Variants in ADRA1A observed in about 807,000 individuals in gnomAD.
The protein encoded by ADRA1A is alpha-1A adrenergic receptor.
Under a neutral mutation model 29.6 loss-of-function variants are expected in ADRA1A, and 31 were observed. The ratio of observed to expected loss-of-function variants is 1.05; its 90% CI spans 0.79 to 1.41. ADRA1A has a LOEUF of 1.41. ADRA1A is among the 40% of genes most tolerant of loss of function. The pLI, the probability that ADRA1A is intolerant of heterozygous loss-of-function variation, is 0.00. For missense variants in ADRA1A, 619 were observed against 601.1 expected (o/e 1.03, Z -0.31); for synonymous variants, 311 against 254.3 (o/e 1.22, Z -2.12).
chr8:26,753,606 C>G (rs1805019179), downstream of ADRA1A, among the ~76,000 whole-genome samples: 1 of 152,078 alleles, frequency 6.6e-6, no homozygotes. Flanking sequence ...TTATTTCTAT[C>G]ACAAAAAAAT....
intron 2 of ADRA1A, among the ~76,000 whole-genome samples, chr8:26,837,995 T>C (rs1208331495): frequency 3.3e-5 from 5 of 152,242 alleles, no homozygotes; most frequent in African/African-American, 7.2e-5. Context: ...AGGACAATTG[T>C]GTTGTTTTTC....
At chr8:26,861,629 A>G (rs1286854192) in intron 2 of ADRA1A, among the ~76,000 whole-genome samples, 1 of 152,122 alleles carries the variant, frequency 6.6e-6, no homozygotes, top group Non-Finnish European at 1.5e-5. Flanking sequence ...TTCCATGTCT[A>G]ATGAATGTTT....
chr8:26,748,412 A>G, exon 3 of ADRA1A: 1 of 168,558 alleles, frequency 5.9e-6, no homozygotes, highest in Admixed American at 6.3e-5. Flanking sequence ...GATTTCATCC[A>G]CAGAAAGGAT....
chr8:26,748,586 A>G, exon 3 of ADRA1A: 1 of 415,646 alleles, frequency 2.4e-6, no homozygotes, highest in Non-Finnish European at 4.8e-6. Context: ...TAAAAATACA[A>G]AAATTAGCTG....
Position 26,770,291 on chromosome 8 carries a change from G to A in ADRA1A, c.1259C>T (p.Thr420Ile). 1 of 1,614,218 alleles carries A rather than the reference G, an allele frequency of 6.2e-7. No individual in the cohort carries two copies. The highest frequency in any genetic ancestry group is 8.5e-7 in the Non-Finnish European group (1 of 1,180,032). ...ITVSKDQSSC[T>I]TARVRSKSFL... ...GCTTTTACTTCTCACCCGGGCTGTG[G>A]TACAGGAGGATTGGTCTTTGGACAC... Residue 420 changes from threonine (T) to isoleucine (I), a missense_variant, in exon 3 of 3, where the codon ACC (threonine) becomes ATC (isoleucine). Transcript: ENST00000380573.
intron 2 of ADRA1A, among the ~76,000 whole-genome samples, chr8:26,793,627 T>C (rs919516429): frequency 1.2e-4 from 18 of 152,026 alleles, no homozygotes; most frequent in African/African-American, 4.3e-4. Flanking sequence ...TGTCCATCAG[T>C]AATAAGAAAT....
In ADRA1A at chr8:26,775,743, G is replaced by C. The variant is rs1320217138; in HGVS notation, c.884-5077C>G. Among the ~76,000 whole-genome samples the C allele has an allele frequency of 2.0e-5, 3 of 152,134 alleles. No individual in the cohort carries two copies. Among genetic ancestry groups the C allele is most frequent in the African/African-American group, 7.2e-5 (3 of 41,436 alleles). ...CCATTTGGTCTGCTGCAGAATTTCT[G>C]CCTCTTTCCTGACCCTCTGGACACC... On this transcript the variant is annotated intron_variant, in intron 2 of 2. Transcript: ENST00000380573. This position sits in a 1 kb window ranked among gnomAD's most constrained non-coding sequence, Gnocchi z 4.1.
At chr8:26,791,173 G>A (rs1807802253) in intron 2 of ADRA1A, among the ~76,000 whole-genome samples, 1 of 151,936 alleles carries the variant, frequency 6.6e-6, no homozygotes, top group African/African-American at 2.4e-5. Context: ...AATTTTTCAT[G>A]GCATCTTAGT....
intron 2 of ADRA1A, among the ~76,000 whole-genome samples, chr8:26,777,867 G>T (rs568230148): frequency 4.1e-4 from 63 of 152,366 alleles, no homozygotes; most frequent in African/African-American, 1.1e-3. Context: ...CCTGCCCAGT[G>T]TGGGATGGAA....
intron 2 of ADRA1A, among the ~76,000 whole-genome samples, chr8:26,816,870 A>C (rs529068094): frequency 1.4e-4 from 22 of 152,336 alleles, no homozygotes; most frequent in African/African-American, 5.1e-4. Context: ...GCAACAAACT[A>C]ACTCAAACAT....
At chr8:26,834,629 A>G (rs1251372825) in intron 2 of ADRA1A, among the ~76,000 whole-genome samples, 1 of 152,190 alleles carries the variant, frequency 6.6e-6, no homozygotes, top group East Asian at 1.9e-4. Flanking sequence ...CTCCACGTAG[A>G]TCCCACCAGC....
intron 2 of ADRA1A, among the ~76,000 whole-genome samples, chr8:26,786,165 T>C (rs1315228869): frequency 6.6e-6 from 1 of 152,156 alleles, no homozygotes; most frequent in African/African-American, 2.4e-5. Context: ...TGCCTTCCGC[T>C]CCTGGCCTGC....
intron 2 of ADRA1A, among the ~76,000 whole-genome samples, chr8:26,833,472 C>T (rs1295661309): frequency 6.6e-6 from 1 of 152,188 alleles, no homozygotes; most frequent in Non-Finnish European, 1.5e-5. Context: ...GAAGGACACC[C>T]AGCTATCTCC....
chr8:26,781,132 C>G (rs1050443950), intron 2 of ADRA1A, among the ~76,000 whole-genome samples: 2 of 152,316 alleles, frequency 1.3e-5, no homozygotes, highest in South Asian at 2.1e-4. Context: ...TTGGGGAACA[C>G]TGCTCTATAG....
chr8:26,833,561 A>T (rs1243631670), intron 2 of ADRA1A, among the ~76,000 whole-genome samples: 1 of 152,214 alleles, frequency 6.6e-6, no homozygotes. Context: ...CTCAGCAATG[A>T]CTCAGTCACT....
At chr8:26,763,020 A>G (rs1373460284), downstream of ADRA1A, among the ~76,000 whole-genome samples, 1 of 152,124 alleles carries the variant, frequency 6.6e-6, no homozygotes, top group Non-Finnish European at 1.5e-5. This position sits in a 1 kb window ranked among gnomAD's most constrained non-coding sequence, Gnocchi z 4.5. Context: ...TTTCTATTCC[A>G]GTTAGTCAAA....
rs1399072041 is a variant in ADRA1A, at chr8:26,867,220, A to T, written c.-971T>A. On this transcript the variant is annotated 5_prime_UTR_variant, in exon 1 of 3. Transcript: ENST00000380573. Reference sequence around the variant, plus strand: ...CTCCACAATCACCCTTTTAATATTCAGCTCCCCGACACCAGAAAAGAATAG... The same window carrying T: ...CTCCACAATCACCCTTTTAATATTCTGCTCCCCGACACCAGAAAAGAATAG... The T allele has an allele frequency of 2.0e-6, 2 of 985,332 alleles. No homozygotes were observed. The highest frequency in any genetic ancestry group is 1.1e-4 in the East Asian group (1 of 8,826). The allele number at this position is 985,332 out of a possible 1,614,324, so 61.0% of individuals were successfully genotyped here. A position where few individuals can be genotyped will look rare whatever the true frequency, so the allele number is the denominator to read the frequency against.
In ADRA1A at chr8:26,860,135, C is replaced by T. The variant is rs183156379; in HGVS notation, c.883+3952G>A. Reference sequence around the variant, plus strand: ...TGTCTACCACCACTTCTCTCCACCACAACATCTTCTCCTCCACACTGCTGA... The same window carrying T: ...TGTCTACCACCACTTCTCTCCACCATAACATCTTCTCCTCCACACTGCTGA... On this transcript the variant is annotated intron_variant, in intron 2 of 2. Coordinates refer to ENST00000380573, the MANE Select transcript of ADRA1A (RefSeq NM_000680.4). This position sits in a 1 kb window ranked among gnomAD's most constrained non-coding sequence, Gnocchi z 4.7. Among the ~76,000 whole-genome samples, 1 of 152,246 alleles carries T rather than the reference C, an allele frequency of 6.6e-6. No homozygotes were observed. The highest frequency in any genetic ancestry group is 6.5e-5 in the Admixed American group (1 of 15,290).
rs1040831051 is a variant in ADRA1A, at chr8:26,802,062, C to T, written c.884-31396G>A. Reference sequence around the variant, plus strand: ...CCATATGCAGAAGAATTAAACCAGACCCTTATCTCTTGCAATATACAAAAA... The same window carrying T: ...CCATATGCAGAAGAATTAAACCAGATCCTTATCTCTTGCAATATACAAAAA... On this transcript the variant is annotated intron_variant, in intron 2 of 2. Transcript: ENST00000380573. Among the ~76,000 whole-genome samples, 3 of 152,260 alleles carry T rather than the reference C, an allele frequency of 2.0e-5. No individual in the cohort carries two copies. The East Asian group carries it at 5.8e-4, about 29-fold the overall frequency.
Sources: gnomAD v4.1 joint callset for allele counts (sites outside exome capture counted in the v4.1 genomes callset) on GRCh38, gnomAD v4.1.1 for gene constraint, Gnocchi (gnomAD v3.1) non-coding constraint, MANE v1.5 for transcripts, NCBI Gene and HGNC (gene_info 2026-07-23, HGNC 2026-07-21) for gene names.